The following GCM1 variants were observed in gnomAD, a reference collection of about 807,000 sequenced individuals.
GCM1 encodes GCM transcription factor 1.
In GCM1, 2 loss-of-function variants were observed where a neutral mutation model predicts 25.7. That is an observed-to-expected ratio of 0.08 (90% confidence interval 0.03 to 0.24). GCM1 has a LOEUF of 0.24. Among genes scored for constraint, GCM1 ranks in the 10% least tolerant of loss-of-function variants. The pLI is 1.00. For missense variants in GCM1, 395 were observed against 538.7 expected, an observed-to-expected ratio of 0.73 and a Z score of 2.64; for synonymous variants, 183 against 195.7, an observed-to-expected ratio of 0.94 and a Z score of 0.54.
chr6:53,134,901 T>C (rs1763777276), intron 2 of GCM1, among the ~76,000 whole-genome samples: 2 of 152,212 alleles, frequency 1.3e-5, no homozygotes, highest in Admixed American at 6.5e-5. Context: ...CACAGGTTTA[T>C]GCAATGTCGC....
chr6:53,128,662 G>T lies in GCM1; in HGVS notation c.855C>A (p.Ser285=). 1 of 1,613,834 alleles carries T rather than the reference G, an allele frequency of 6.2e-7. No individual in the cohort carries two copies. The highest frequency in any genetic ancestry group is 8.5e-7 in the Non-Finnish European group (1 of 1,179,746). Residue 285 remains serine, a synonymous_variant, in exon 6 of 6, where the codon TCC becomes TCA. Transcript: ENST00000259803. ...SSGDLLPPSA[S]GVYSDHGDLQ... ...GATCGCCATGATCAGAGTAGACTCCGGAGGCAGAAGGAGGAAGCAGGTCTC... is the reference window on the plus strand; with the variant it reads ...GATCGCCATGATCAGAGTAGACTCCTGAGGCAGAAGGAGGAAGCAGGTCTC...
intron 1 of GCM1, among the ~76,000 whole-genome samples, chr6:53,148,364 CATA>C (rs1420260270): frequency 6.6e-6 from 1 of 152,066 alleles, no homozygotes; most frequent in African/African-American, 2.4e-5. Context: ...GCAATATAGA[CATA>C]ATTATTTTGT....
At chr6:53,131,741 C>T (rs959624297) in intron 4 of GCM1, among the ~76,000 whole-genome samples, 3 of 152,192 alleles carry the variant, frequency 2.0e-5, no homozygotes, top group South Asian at 2.1e-4. Flanking sequence ...ATGCAGCATG[C>T]GGCATGCTTA....
intron 2 of GCM1, among the ~76,000 whole-genome samples, chr6:53,138,357 ACAT>A (rs1763829853): frequency 1.3e-5 from 2 of 151,590 alleles, no homozygotes; most frequent in Non-Finnish European, 1.5e-5. Context: ...AAATATACTC[ACAT>A]CAAGCTAGTC....
At chr6:53,146,493 T>A (rs1051133941) in intron 1 of GCM1, among the ~76,000 whole-genome samples, 1 of 152,108 alleles carries the variant, frequency 6.6e-6, no homozygotes, top group African/African-American at 2.4e-5. Flanking sequence ...GTGTTGGGAT[T>A]ACAGGCGTGA....
chr6:53,128,353 G>C lies in GCM1; in HGVS notation c.1164C>G (p.Pro388=). Residue 388 remains proline, a synonymous_variant, in exon 6 of 6, where the codon CCC becomes CCG. Coordinates refer to ENST00000259803, the MANE Select transcript of GCM1 (RefSeq NM_003643.4). ...SPAYHSPQED[P]FLFTYASHPH... is the part of the protein sequence containing the mutation. ...GATGAGAGGCGTAGGTGAAGAGAAAGGGGTCTTCTTGAGGTGAATGGTATG... is the reference window on the plus strand; with the variant it reads ...GATGAGAGGCGTAGGTGAAGAGAAACGGGTCTTCTTGAGGTGAATGGTATG... 1.2e-6 allele frequency: 2 copies of C among 1,614,008 alleles called. No individual in the cohort carries two copies.
rs1763715118 is a variant in GCM1, at chr6:53,130,860, T to C, written c.513A>G (p.Lys171=). The C allele has an allele frequency of 6.2e-7, 1 of 1,613,742 alleles. No individual in the cohort carries two copies. The highest frequency in any genetic ancestry group is 8.5e-7 in the Non-Finnish European group (1 of 1,179,688). The change falls in exon 5 of 6, where the codon AAA becomes AAG. Residue 171 remains lysine (K), a synonymous_variant. Transcript: ENST00000259803. ...LEAEARRAMK[K]VNTAPSSVSL... ...AGACGGAGGAAGGTGCTGTGTTCAC[T>C]TTCTTCATGGCTCTTCTTGCCTCAG...
chr6:53,128,189 A>C lies in GCM1; in HGVS notation c.*17T>G. ...CCATTTTTGAGGGGCTGGGGTGCAC[A>C]TAGTGAAAGATTTGGGTCATCTCAA... is the stretch of plus-strand genomic sequence containing the variant. On this transcript the variant is annotated 3_prime_UTR_variant, in exon 6 of 6. Coordinates refer to ENST00000259803, the MANE Select transcript of GCM1 (RefSeq NM_003643.4). 6.3e-7 allele frequency: 1 copy of C among 1,592,616 alleles called. No individual in the cohort carries two copies. Among genetic ancestry groups the C allele is most frequent in the Non-Finnish European group, 8.5e-7 (1 of 1,172,536 alleles).
In GCM1 at chr6:53,128,375, T is replaced by C. The variant is rs752375447; in HGVS notation, c.1142A>G (p.Tyr381Cys). 1 of 1,613,876 alleles carries C rather than the reference T, an allele frequency of 6.2e-7. No individual in the cohort carries two copies. Among genetic ancestry groups the C allele is most frequent in the Non-Finnish European group, 8.5e-7 (1 of 1,179,760 alleles). Residue 381 changes from tyrosine (Y) to cysteine (C), a missense_variant, in exon 6 of 6, where the codon TAC becomes TGC. Coordinates refer to ENST00000259803, the MANE Select transcript of GCM1 (RefSeq NM_003643.4). ...DFNSYVQSPA[Y>C]HSPQEDPFLF... is the part of the protein sequence containing the mutation. ...AAAGGGGTCTTCTTGAGGTGAATGGTATGCAGGAGACTGGACGTAGCTGTT... is the reference window on the plus strand; with the variant it reads ...AAAGGGGTCTTCTTGAGGTGAATGGCATGCAGGAGACTGGACGTAGCTGTT...
chr6:53,145,132 G>A (rs759977808), intron 2 of GCM1, among the ~76,000 whole-genome samples: 1 of 152,108 alleles, frequency 6.6e-6, no homozygotes, highest in Non-Finnish European at 1.5e-5. Context: ...AATATCATCT[G>A]GATTCCAGCA....
chr6:53,145,548 A>C lies in GCM1; in HGVS notation c.75+10T>G. On this transcript the variant is annotated intron_variant, in intron 2 of 5. Transcript: ENST00000259803. ...AATGTTGAAGGCAGATTTTTATAGCAAGTACATACCTGTGGCAGTTTCACA... is the reference window on the plus strand; with the variant it reads ...AATGTTGAAGGCAGATTTTTATAGCCAGTACATACCTGTGGCAGTTTCACA... 1 of 1,390,354 alleles carries C rather than the reference A, an allele frequency of 7.2e-7. No homozygotes were observed. The allele number at this position is 1,390,354 out of a possible 1,614,324, so 86.1% of individuals were successfully genotyped here.
In GCM1 at chr6:53,132,082, G is replaced by A. The variant is rs376024051; in HGVS notation, c.366C>T (p.Leu122=). ...AGCCCCCATGACCTCGGCAAGGGAT[G>A]AGCTTCAGAGGCCCGTCACAGTTGG... ...RCPNCDGPLK[L]IPCRGHGGFP... Residue 122 remains leucine, a synonymous_variant, in exon 4 of 6, where the codon CTC becomes CTT. Transcript: ENST00000259803. 6.2e-6 allele frequency: 10 copies of A among 1,612,748 alleles called. No individual in the cohort carries two copies. The highest frequency in any genetic ancestry group is 7.6e-6 in the Non-Finnish European group (9 of 1,178,834).
intron 3 of GCM1, 39 bp from the exon 4 acceptor site, chr6:53,132,158 A>G: frequency 7.8e-7 from 1 of 1,285,522 alleles, no homozygotes; most frequent in South Asian, 1.2e-5. Flanking sequence ...ACCTGGCTGA[A>G]CCATGTCGGT....
intron 5 of GCM1, among the ~76,000 whole-genome samples, chr6:53,130,444 G>A (rs958051394): frequency 1.3e-5 from 2 of 152,124 alleles, no homozygotes; most frequent in Non-Finnish European, 2.9e-5. Context: ...TCAGGAGGGC[G>A]GGGAGGGGGC....
chr6:53,135,599 A>AG (rs1417613788), intron 2 of GCM1, among the ~76,000 whole-genome samples: 6 of 152,214 alleles, frequency 3.9e-5, no homozygotes, highest in Admixed American at 6.5e-5. Flanking sequence ...TCTTAGAATG[A>AG]GAAACAGCAA....
intron 2 of GCM1, among the ~76,000 whole-genome samples, chr6:53,142,708 T>C (rs1763897703): frequency 6.6e-6 from 1 of 152,088 alleles, no homozygotes; most frequent in Admixed American, 6.6e-5. Context: ...ATTCAACATT[T>C]GTTGTTTCAT....
intron 2 of GCM1, among the ~76,000 whole-genome samples, chr6:53,142,640 A>T (rs1763896855): frequency 6.6e-6 from 1 of 152,182 alleles, no homozygotes; most frequent in African/African-American, 2.4e-5. Flanking sequence ...TAAGAAAATC[A>T]ATTTCTCCAG....
At chr6:53,148,451 C>T (rs1032907344) in intron 1 of GCM1, among the ~76,000 whole-genome samples, 2 of 152,042 alleles carry the variant, frequency 1.3e-5, no homozygotes, top group South Asian at 2.1e-4. Flanking sequence ...ATTTTTCTCT[C>T]GATATTAACA....
Position 53,136,597 on chromosome 6 carries a change from A to G in GCM1, c.76-2273T>C, listed in dbSNP as rs374400027. ...GCCCTCAGCCAGTCAATGTGGTTGT[A>G]AGAGTCACTGGCTTTTGGGAGAGAG... On this transcript the variant is annotated intron_variant, in intron 2 of 5. Coordinates refer to ENST00000259803, the MANE Select transcript of GCM1 (RefSeq NM_003643.4). Among the ~76,000 whole-genome samples, 92 of 152,322 alleles carry G rather than the reference A, an allele frequency of 6.0e-4. 2 individuals carry two copies. The South Asian group carries it at 0.019, about 31-fold the overall frequency.
Sources: allele counts gnomAD v4.1 joint callset (sites outside exome capture counted in the v4.1 genomes callset), GRCh38; gene constraint gnomAD v4.1.1; transcripts MANE v1.5; gene names NCBI Gene and HGNC (gene_info 2026-07-23, HGNC 2026-07-21).